TMPRSS7: variants seen among roughly 807,000 people sequenced by gnomAD.
The protein encoded by TMPRSS7 is transmembrane protease serine 7.
Under a neutral mutation model 95.6 loss-of-function variants are expected in TMPRSS7, and 81 were observed. The observed-to-expected ratio is 0.85, with a 90% CI of 0.71 to 1.02. The LOEUF (loss-of-function observed/expected upper bound fraction) is 1.02. Among genes scored for constraint, TMPRSS7 ranks in the 50% least tolerant of loss-of-function variants. The pLI is 0.00. For missense variants in TMPRSS7, 945 were observed against 955.2 expected (o/e 0.99, Z 0.14); for synonymous variants, 364 against 337.8 (o/e 1.08, Z -0.85).
chr3:112,062,378 A>G (rs1191313619), intron 11 of TMPRSS7, among the ~76,000 whole-genome samples: 2 of 152,158 alleles, frequency 1.3e-5, no homozygotes, highest in African/African-American at 4.8e-5. Flanking sequence ...CAGCCCTCAG[A>G]ATATTGAGTT....
At chr3:112,042,826 T>C (rs2107737397) in intron 3 of TMPRSS7, among the ~76,000 whole-genome samples, 1 of 152,328 alleles carries the variant, frequency 6.6e-6, no homozygotes, top group Non-Finnish European at 1.5e-5. Flanking sequence ...GGTGGTTTCC[T>C]AAAAGCATAA....
intron 10 of TMPRSS7, 91 bp downstream of exon 10, chr3:112,057,222 C>A: frequency 1.1e-6 from 1 of 922,408 alleles, no homozygotes; most frequent in Admixed American, 2.2e-5. Context: ...TTGCGCTTTA[C>A]CATTTACAGT....
exon 10 of TMPRSS7, chr3:112,057,087 T>C: frequency 1.2e-6 from 2 of 1,613,322 alleles, no homozygotes; most frequent in Non-Finnish European, 1.7e-6. Flanking sequence ...CCAAGAAGAG[T>C]ATGAAAGGCT....
chr3:112,042,730 T>G (rs1173150557), intron 3 of TMPRSS7, among the ~76,000 whole-genome samples: 3 of 152,216 alleles, frequency 2.0e-5, no homozygotes, highest in African/African-American at 7.2e-5. Context: ...ATTTATTGGA[T>G]GTTTAGGCTG....
At chr3:112,052,003 C>T (rs1192683118) in intron 9 of TMPRSS7, among the ~76,000 whole-genome samples, 1 of 152,126 alleles carries the variant, frequency 6.6e-6, no homozygotes, top group Non-Finnish European at 1.5e-5. Flanking sequence ...CGAAATCAGA[C>T]ACAAACACAG....
At chr3:112,040,419 C>T (rs1419542773) in intron 2 of TMPRSS7, among the ~76,000 whole-genome samples, 3 of 152,180 alleles carry the variant, frequency 2.0e-5, no homozygotes, top group Admixed American at 2.0e-4. Context: ...GAGAAGGGTT[C>T]ATGAACTGGT....
At chr3:112,040,187 C>G (rs2073191699) in intron 2 of TMPRSS7, among the ~76,000 whole-genome samples, 1 of 152,144 alleles carries the variant, frequency 6.6e-6, no homozygotes, top group Non-Finnish European at 1.5e-5. Context: ...GTTCAGGTCA[C>G]TTATATGCAC....
intron 13 of TMPRSS7, among the ~76,000 whole-genome samples, chr3:112,073,005 T>C (rs2073668996): frequency 6.6e-6 from 1 of 152,142 alleles, no homozygotes; most frequent in African/African-American, 2.4e-5. Context: ...TCTTGCACAA[T>C]GGTTGAACTA....
chr3:112,066,635 G>A (rs1037153319), intron 13 of TMPRSS7, 133 bp downstream of exon 13: 1 of 747,674 alleles, frequency 1.3e-6, no homozygotes, highest in African/African-American at 1.8e-5. Flanking sequence ...TCCAGTTTTA[G>A]CACTGAAAGT....
chr3:112,078,210 A>G (rs988896647), intron 16 of TMPRSS7, among the ~76,000 whole-genome samples: 1 of 152,236 alleles, frequency 6.6e-6, no homozygotes, highest in Admixed American at 6.5e-5. Context: ...GGAGAAAAGC[A>G]TCTGCCCAAC....
intron 2 of TMPRSS7, among the ~76,000 whole-genome samples, chr3:112,039,069 T>G (rs1158321451): frequency 6.6e-6 from 1 of 152,238 alleles, no homozygotes; most frequent in African/African-American, 2.4e-5. Context: ...ATTTTGCACA[T>G]GCATCTTTCT....
intron 1 of TMPRSS7, among the ~76,000 whole-genome samples, chr3:112,037,497 T>A (rs1268901704): frequency 2.0e-5 from 3 of 152,238 alleles, no homozygotes; most frequent in Non-Finnish European, 1.5e-5. Context: ...CCCAGCAGGA[T>A]GTGGACCTTC....
chr3:112,072,679 G>A (rs569032780), intron 13 of TMPRSS7, among the ~76,000 whole-genome samples: 10 of 152,336 alleles, frequency 6.6e-5, no homozygotes, highest in South Asian at 4.1e-4. Context: ...CAGCAATGGC[G>A]GACGCCCCTC....
At chr3:112,060,072 G>A (rs1368582638) in intron 10 of TMPRSS7, among the ~76,000 whole-genome samples, 1 of 152,144 alleles carries the variant, frequency 6.6e-6, no homozygotes. Context: ...ATCACATGTT[G>A]GTAGATTCCG....
exon 7 of TMPRSS7, chr3:112,047,759 T>C (rs2073297501): frequency 1.2e-6 from 2 of 1,613,556 alleles, no homozygotes; most frequent in Non-Finnish European, 1.7e-6. Context: ...CTCTCAGTAC[T>C]TCTATGCAGA....
At chr3:112,044,460 T>C in intron 4 of TMPRSS7, 138 bp downstream of exon 4, 1 of 714,006 alleles carries the variant, frequency 1.4e-6, no homozygotes, top group Non-Finnish European at 2.4e-6. Context: ...TTAGCACAAC[T>C]AGCGACTCAA....
At chr3:112,077,192 A>G (rs1199844106) in intron 16 of TMPRSS7, 48 bp downstream of exon 16, 3 of 1,592,874 alleles carry the variant, frequency 1.9e-6, no homozygotes. Flanking sequence ...AGAGGATGAT[A>G]AGGTGTTTAT....
intron 16 of TMPRSS7, among the ~76,000 whole-genome samples, chr3:112,077,513 C>T (rs73856342): frequency 0.03 from 4,556 of 152,260 alleles, 189 homozygotes; most frequent in African/African-American, 0.088. Flanking sequence ...GAAGGACACA[C>T]ATGCACATCC....
chr3:112,062,211 A>G (rs1422773877), intron 11 of TMPRSS7, among the ~76,000 whole-genome samples: 2 of 152,168 alleles, frequency 1.3e-5, no homozygotes, highest in African/African-American at 4.8e-5. Context: ...TATTCCTTAA[A>G]GACAAGACAT....
Sources: allele counts gnomAD v4.1 joint callset (sites outside exome capture counted in the v4.1 genomes callset), GRCh38; gene constraint gnomAD v4.1.1; transcripts MANE v1.5; gene names NCBI Gene and HGNC (gene_info 2026-07-23, HGNC 2026-07-21).